UBE3D: variants seen among roughly 807,000 people sequenced by gnomAD.
UBE3D encodes ubiquitin protein ligase E3D.
UBE3D carries 48 observed loss-of-function variants against 49.6 expected under a neutral mutation model. The observed-to-expected ratio is 0.97, with a 90% CI of 0.77 to 1.23. The LOEUF (loss-of-function observed/expected upper bound fraction) is 1.23. UBE3D is among the 50% of genes most tolerant of loss of function. The probability of loss-of-function intolerance (pLI) is 0.00; values close to 1 mark genes in which losing one functional copy is unlikely to be tolerated. For synonymous variants in UBE3D, 189 were observed against 174.2 expected (o/e 1.08, Z -0.67); for missense variants, 452 against 468.4 (o/e 0.96, Z 0.32).
intron 8 of UBE3D, among the ~76,000 whole-genome samples, chr6:82,997,539 G>A (rs1779328613): frequency 6.6e-6 from 1 of 152,132 alleles, no homozygotes; most frequent in South Asian, 2.1e-4. Context: ...CTAACATGGT[G>A]AAACCCCGTC....
chr6:83,016,159 C>T (rs1157703762), intron 8 of UBE3D, among the ~76,000 whole-genome samples: 1 of 152,168 alleles, frequency 6.6e-6, no homozygotes, highest in East Asian at 1.9e-4. Flanking sequence ...CACTCAAGGC[C>T]ATCTTAGCAG....
intron 8 of UBE3D, among the ~76,000 whole-genome samples, chr6:82,998,010 T>C (rs1316135002): frequency 6.6e-6 from 1 of 152,102 alleles, no homozygotes; most frequent in Non-Finnish European, 1.5e-5. Context: ...GGAGAGAAAA[T>C]GACAAGAGTA....
the UBE3D span, among the ~76,000 whole-genome samples, chr6:82,887,389 G>GTTTTTGTTTTTTTTTTT: frequency 4.1e-5 from 4 of 98,328 alleles, no homozygotes; most frequent in African/African-American, 2.0e-4. Flanking sequence ...GACAGTAACA[G>GTTTTTGTTTTTTTTTTT]TTTTTTTTTT....
At chr6:82,926,814 TA>T (rs1308132508) in intron 9 of UBE3D, among the ~76,000 whole-genome samples, 1 of 152,114 alleles carries the variant, frequency 6.6e-6, no homozygotes, top group Admixed American at 6.6e-5. Context: ...CTTTTCTTTT[TA>T]TTCTCTATAG....
intron 8 of UBE3D, among the ~76,000 whole-genome samples, chr6:82,964,896 G>A (rs955934952): frequency 1.3e-5 from 2 of 152,080 alleles, no homozygotes; most frequent in Non-Finnish European, 2.9e-5. Context: ...ACTACTGTTT[G>A]TCCAAATAAA....
At position 83,019,093 on chromosome 6, in the gene UBE3D, C is replaced by T. The variant is rs1780901644; in HGVS notation, c.890G>A (p.Arg297Lys). The T allele has an allele frequency of 6.2e-7, 1 of 1,613,528 alleles. No homozygotes were observed. Among genetic ancestry groups the T allele is most frequent in the Non-Finnish European group, 8.5e-7 (1 of 1,179,834 alleles). The change falls in exon 8 of 10, where the codon AGA becomes AAA. Residue 297 changes from arginine to lysine, a missense_variant. By Grantham distance (26) the Arg-to-Lys change is conservative. Transcript: ENST00000369747. ...GAATTTTTTGATATATTTGGAATTT[C>T]TCAAAGATTCAATCACCAAACTGTC... is the stretch of plus-strand genomic sequence containing the variant. ...NSDSLVIESL[R>K]NSKYIKKFPL... is the part of the protein sequence containing the mutation.
At chr6:83,011,601 T>C (rs1254072484) in intron 8 of UBE3D, among the ~76,000 whole-genome samples, 2 of 152,198 alleles carry the variant, frequency 1.3e-5, no homozygotes, top group Non-Finnish European at 2.9e-5. Flanking sequence ...GATTTCATCT[T>C]GACAGTCCAG....
downstream of UBE3D, among the ~76,000 whole-genome samples, chr6:82,888,468 T>C (rs1210706407): frequency 6.6e-6 from 1 of 152,060 alleles, no homozygotes; most frequent in Non-Finnish European, 1.5e-5. Flanking sequence ...AATAAAAATA[T>C]TGAAATATTT....
At chr6:83,045,179 A>G (rs1380587701) in intron 3 of UBE3D, among the ~76,000 whole-genome samples, 1 of 152,194 alleles carries the variant, frequency 6.6e-6, no homozygotes, top group African/African-American at 2.4e-5. Context: ...AGAATCCTAT[A>G]TAAGTGTGAG....
At chr6:82,968,624 T>C in intron 8 of UBE3D, among the ~76,000 whole-genome samples, 1 of 152,182 alleles carries the variant, frequency 6.6e-6, no homozygotes. Flanking sequence ...TTAATAGATA[T>C]TTCTGGAAAG....
At chr6:82,977,566 T>G (rs1252767836) in intron 8 of UBE3D, among the ~76,000 whole-genome samples, 1 of 152,074 alleles carries the variant, frequency 6.6e-6, no homozygotes, top group Non-Finnish European at 1.5e-5. Flanking sequence ...TCCTCACAAA[T>G]GTACTGCATT....
At chr6:82,974,038 A>G (rs1777539522) in intron 8 of UBE3D, among the ~76,000 whole-genome samples, 1 of 152,208 alleles carries the variant, frequency 6.6e-6, no homozygotes, top group African/African-American at 2.4e-5. Context: ...ATTCTACATT[A>G]TGGTGAGTTG....
intron 5 of UBE3D, among the ~76,000 whole-genome samples, chr6:83,025,942 C>T (rs1022104595): frequency 2.6e-4 from 31 of 117,062 alleles, no homozygotes; most frequent in Non-Finnish European, 7.3e-5. Flanking sequence ...CATAATTAAA[C>T]ATATAAGAAT....
intron 3 of UBE3D, among the ~76,000 whole-genome samples, chr6:83,047,527 T>TC (rs1387630348): frequency 6.6e-6 from 1 of 151,540 alleles, no homozygotes; most frequent in Non-Finnish European, 1.5e-5. Flanking sequence ...GAGACAACAG[T>TC]CCCCAGAAAG....
rs116757291 is a variant in UBE3D at position 82,943,722 on chromosome 6, A to G, written c.1149+13590T>C. Among the ~76,000 whole-genome samples the G allele has an allele frequency of 8.5e-3, 1,300 of 152,280 alleles. 22 individuals carry two copies. The highest frequency in any genetic ancestry group is 0.029 in the African/African-American group (1,200 of 41,542). ...ATCTGATTTTAACTTCATATCACTGAAAAGAATAGGAAACAGTCTTGAATT... is the reference window on the plus strand; with the variant it reads ...ATCTGATTTTAACTTCATATCACTGGAAAGAATAGGAAACAGTCTTGAATT... On this transcript the variant is annotated intron_variant, in intron 9 of 9. Coordinates refer to ENST00000369747, the MANE Select transcript of UBE3D (RefSeq NM_198920.3).
chr6:83,044,494 C>T lies in UBE3D; in HGVS notation c.531G>A (p.Trp177Ter), dbSNP rs531002836. The T allele has an allele frequency of 1.2e-6, 2 of 1,614,060 alleles. No individual in the cohort carries two copies. Among genetic ancestry groups the T allele is most frequent in the South Asian group, 2.2e-5 (2 of 91,084 alleles). ...FFLVNLRTSL[W>*]QQRPELSPVE... ...CTGGGGATAGTTCAGGTCTTTGCTG[C>T]CACAAACTGGTTCTTAAATTCACCA... The change falls in exon 4 of 10, where the codon TGG becomes TGA. Residue 177 changes from tryptophan to a stop codon, truncating the protein, a stop_gained. Transcript: ENST00000369747. LOFTEE classifies it high-confidence loss of function.
At chr6:82,894,186 G>A (rs530210815) in intron 9 of UBE3D, among the ~76,000 whole-genome samples, 79 of 151,896 alleles carry the variant, frequency 5.2e-4, no homozygotes, top group African/African-American at 1.9e-3. Context: ...TGTAAGCCTC[G>A]CCCCCACCCC....
rs542094716 is a variant in UBE3D, at chr6:82,909,726, G to A, written c.1150-16684C>T. On this transcript the variant is annotated intron_variant, in intron 9 of 9. Coordinates refer to ENST00000369747, the MANE Select transcript of UBE3D (RefSeq NM_198920.3). ...CTTAGAAGCTTCAAGTTTTGTACTT[G>A]TCTGTCACCTTCATGTTGATTCTCT... Among the ~76,000 whole-genome samples, 185 of 152,286 alleles carry A rather than the reference G, an allele frequency of 1.2e-3. 1 individual carries two copies. The highest frequency in any genetic ancestry group is 2.1e-3 in the Non-Finnish European group (145 of 68,026).
At position 83,000,905 on chromosome 6, in the gene UBE3D, GGC is replaced by G. The variant is rs371862438; in HGVS notation, c.1010+18066_1010+18067del. ...TGTTGCCCAGACTGAAGTGCAATGG[GGC>G]GCTCTCGGCTTACCGCAACCTCCGC... On this transcript the variant is annotated intron_variant, in intron 8 of 9. Transcript: ENST00000369747. 1.1e-3 allele frequency among the ~76,000 whole-genome samples: 161 copies of G among 151,870 alleles called. 1 individual carries two copies. Among genetic ancestry groups the G allele is most frequent in the African/African-American group, 3.8e-3 (156 of 41,340 alleles).
Sources: gnomAD v4.1 joint callset for allele counts (sites outside exome capture counted in the v4.1 genomes callset) on GRCh38, gnomAD v4.1.1 for gene constraint, MANE v1.5 for transcripts, NCBI Gene and HGNC (gene_info 2026-07-23, HGNC 2026-07-21) for gene names.